GLT6D1: variants seen among roughly 807,000 people sequenced by gnomAD.
GLT6D1 encodes glycosyltransferase 6 domain containing 1.
Under a neutral mutation model 12.3 loss-of-function variants are expected in GLT6D1, and 9 were observed. The ratio of observed to expected loss-of-function variants is 0.73; its 90% confidence interval spans 0.44 to 1.27. The LOEUF is 1.27. GLT6D1 is among the 50% of genes most tolerant of loss of function. The probability of loss-of-function intolerance (pLI) is 0.00; values close to 1 mark genes in which losing one functional copy is unlikely to be tolerated. For missense variants in GLT6D1, 335 were observed against 346.2 expected, an observed-to-expected ratio of 0.97 and a Z score of 0.26; for synonymous variants, 128 against 132.3, an observed-to-expected ratio of 0.97 and a Z score of 0.23.
At chr9:135,635,495 G>C (rs777740839) in intron 2 of GLT6D1, among the ~76,000 whole-genome samples, 3 of 151,034 alleles carry the variant, frequency 2.0e-5, no homozygotes, top group Non-Finnish European at 4.4e-5. Context: ...AGAAACTAAG[G>C]TCTGCTGCTT....
rs778372586 is a variant in GLT6D1, at chr9:135,626,179, T to C, written c.147A>G (p.Thr49=). The C allele has an allele frequency of 1.2e-6, 2 of 1,613,982 alleles. No homozygotes were observed. The highest frequency in any genetic ancestry group is 1.3e-5 in the African/African-American group (1 of 75,034). ...PRKRPDVITK[T]DWLAPVLWEG... ...CCCATAGGACAGGAGCGAGCCAGTCTGTTTTCGTTATAACATCAGGGCGTT... is the reference window on the plus strand; with the variant it reads ...CCCATAGGACAGGAGCGAGCCAGTCCGTTTTCGTTATAACATCAGGGCGTT... The change falls in exon 4 of 5, where the codon ACA becomes ACG. Residue 49 remains threonine (T), a synonymous_variant. Transcript: ENST00000371763.
chr9:135,626,621 G>C (rs1833526321), intron 3 of GLT6D1, among the ~76,000 whole-genome samples: 1 of 152,154 alleles, frequency 6.6e-6, no homozygotes, highest in African/African-American at 2.4e-5. Flanking sequence ...TGGGAGGCAG[G>C]AGATCACCTC....
chr9:135,638,584 G>A (rs866783384), intron 2 of GLT6D1, among the ~76,000 whole-genome samples: 5 of 152,144 alleles, frequency 3.3e-5, no homozygotes, highest in Middle Eastern at 3.4e-3. Context: ...TCTTTTATGT[G>A]TATTTATTGT....
Position 135,624,470 on chromosome 9 carries a change from C to A in GLT6D1, c.458G>T (p.Ser153Ile). 6.2e-7 allele frequency: 1 copy of A among 1,613,926 alleles called. No individual in the cohort carries two copies. The change falls in exon 5 of 5, where the codon AGC (serine) becomes ATC (isoleucine). Residue 153 changes from serine (S) to isoleucine (I), a missense_variant. Transcript: ENST00000371763. ...GTGACTGGCGATGTGTTCACCCAGG[C>A]TCTTCACATGCACCAGGGGGCCATC... The part of the protein sequence containing the change: ...WLDGPLVHVK[S>I]LGEHIASHIQ...
chr9:135,637,790 T>C (rs1022529429), intron 2 of GLT6D1, among the ~76,000 whole-genome samples: 1 of 152,242 alleles, frequency 6.6e-6, no homozygotes, highest in African/African-American at 2.4e-5. Flanking sequence ...TATTGTTGAA[T>C]TTTAAGAGCT....
At chr9:135,628,122 A>G (rs1833559211) in intron 3 of GLT6D1, among the ~76,000 whole-genome samples, 1 of 152,040 alleles carries the variant, frequency 6.6e-6, no homozygotes, top group African/African-American at 2.4e-5. Flanking sequence ...TGTTTTTCCC[A>G]TTCTGTGGGT....
rs539057232 is a variant in GLT6D1, at chr9:135,630,187, C to T, written c.119+1244G>A. Among the ~76,000 whole-genome samples the T allele has an allele frequency of 2.4e-3, 371 of 151,700 alleles. 2 individuals are homozygous for T. The highest frequency in any genetic ancestry group is 8.0e-3 in the African/African-American group (333 of 41,370). The stretch of plus-strand genomic sequence containing the variant: ...TTGGGAGGCTAAGGAGGGTGGATCA[C>T]GAGGTCAGGAGATCGAGACCATCCT... On this transcript the variant is annotated intron_variant, in intron 3 of 4. Coordinates refer to ENST00000371763, the MANE Select transcript of GLT6D1 (RefSeq NM_182974.3).
intron 3 of GLT6D1, among the ~76,000 whole-genome samples, chr9:135,627,438 C>A (rs1164707695): frequency 4.6e-5 from 7 of 152,220 alleles, no homozygotes; most frequent in African/African-American, 1.7e-4. Context: ...AGTCACTCCC[C>A]ATTCCCTTCT....
chr9:135,627,972 A>G (rs1010927877), intron 3 of GLT6D1, among the ~76,000 whole-genome samples: 4 of 152,190 alleles, frequency 2.6e-5, no homozygotes, highest in African/African-American at 9.6e-5. Context: ...CTTATTGGCC[A>G]TTAGTATATC....
intron 2 of GLT6D1, among the ~76,000 whole-genome samples, chr9:135,635,384 G>T (rs11103114): frequency 0.22 from 33,416 of 152,056 alleles, 4,086 homozygotes; most frequent in Middle Eastern, 0.36. Flanking sequence ...TAAATCTCCT[G>T]TCCGAATCTA....
At position 135,624,379 on chromosome 9, in the gene GLT6D1, C is replaced by T; in HGVS notation, c.549G>A (p.Gly183=). The T allele has an allele frequency of 6.2e-7, 1 of 1,614,094 alleles. No individual in the cohort carries two copies. Among genetic ancestry groups the T allele is most frequent in the South Asian group, 1.1e-5 (1 of 91,078 alleles). ...AANQVFQNEF[G]VETLGPLVAQ... Reference sequence around the variant, plus strand: ...CCACCAACGGGCCCAGGGTCTCCACCCCGAACTCATTCTGGAAGACCTGGT... The same window carrying T: ...CCACCAACGGGCCCAGGGTCTCCACTCCGAACTCATTCTGGAAGACCTGGT... The change falls in exon 5 of 5, where the codon GGG becomes GGA. Residue 183 remains glycine (G), a synonymous_variant. Transcript: ENST00000371763.
At chr9:135,636,839 T>C (rs1833785893) in intron 2 of GLT6D1, among the ~76,000 whole-genome samples, 1 of 152,184 alleles carries the variant, frequency 6.6e-6, no homozygotes, top group Non-Finnish European at 1.5e-5. Flanking sequence ...AACAGCTTGA[T>C]AGCTGATTTC....
chr9:135,629,910 G>T, intron 3 of GLT6D1, among the ~76,000 whole-genome samples: 1 of 151,638 alleles, frequency 6.6e-6, no homozygotes. Context: ...AGCCACTTTG[G>T]GTCTCTTTTG....
chr9:135,631,099 T>C (rs546199979), intron 3 of GLT6D1, among the ~76,000 whole-genome samples: 1 of 152,048 alleles, frequency 6.6e-6, no homozygotes, highest in South Asian at 2.1e-4. Context: ...CACATACACT[T>C]TACAAAGGAT....
intron 3 of GLT6D1, among the ~76,000 whole-genome samples, chr9:135,626,948 A>G (rs567981444): frequency 6.6e-6 from 1 of 152,326 alleles, no homozygotes; most frequent in East Asian, 1.9e-4. Context: ...ACAAAGTTCA[A>G]TGTCCATTCA....
In GLT6D1 at chr9:135,625,593, A is replaced by G. The variant is rs960482820; in HGVS notation, c.257+476T>C. Reference sequence around the variant, plus strand: ...TCTGTTCTTATCAGCCTGCTCAGCTACTTAGGTCATAAGTCAGATACTTGA... The same window carrying G: ...TCTGTTCTTATCAGCCTGCTCAGCTGCTTAGGTCATAAGTCAGATACTTGA... On this transcript the variant is annotated intron_variant, in intron 4 of 4. Transcript: ENST00000371763. Among the ~76,000 whole-genome samples, 14 of 152,188 alleles carry G rather than the reference A, an allele frequency of 9.2e-5. 1 individual carries two copies. Among genetic ancestry groups the G allele is most frequent in the South Asian group, 2.1e-4 (1 of 4,824 alleles).
At chr9:135,635,245 T>G (rs11103113) in intron 2 of GLT6D1, among the ~76,000 whole-genome samples, 33,328 of 152,190 alleles carry the variant, frequency 0.22, 4,076 homozygotes, top group Middle Eastern at 0.35. Context: ...GCTTCAGCTT[T>G]GGCCATCGGG....
chr9:135,639,334 C>G lies in GLT6D1; in HGVS notation c.-48G>C, dbSNP rs956321468. The G allele has an allele frequency of 7.6e-6, 4 of 529,416 alleles. No individual in the cohort carries two copies. Among genetic ancestry groups the G allele is most frequent in the Non-Finnish European group, 1.3e-5 (4 of 297,274 alleles). 32.8% of individuals were successfully genotyped at this position (529,416 alleles called of 1,614,324 possible). A position where few individuals can be genotyped will look rare whatever the true frequency, so the allele number is the denominator to read the frequency against. On this transcript the variant is annotated 5_prime_UTR_variant, in exon 1 of 5. Transcript: ENST00000371763. ...AGAATGTTCAGCTGGCAGGAGACAG[C>G]GACTTGAGTTAGGGAAGCCTCTGTT...
rs142245894 is a variant in GLT6D1, at chr9:135,636,870, G to A, written c.71+2247C>T. Among the ~76,000 whole-genome samples, 387 of 151,920 alleles carry A rather than the reference G, an allele frequency of 2.5e-3. 2 individuals carry two copies. Among genetic ancestry groups the A allele is most frequent in the African/African-American group, 8.6e-3 (355 of 41,418 alleles). On this transcript the variant is annotated intron_variant, in intron 2 of 4. Coordinates refer to ENST00000371763, the MANE Select transcript of GLT6D1 (RefSeq NM_182974.3). ...ATTTCTTTTTTTTCTTTTTTTTGGG[G>A]GGATGGAGTTTCACTCTTGTTGCCC... is the stretch of plus-strand genomic sequence containing the variant.
Sources: gnomAD v4.1 joint callset for allele counts (sites outside exome capture counted in the v4.1 genomes callset) on GRCh38, gnomAD v4.1.1 for gene constraint, MANE v1.5 for transcripts, NCBI Gene and HGNC (gene_info 2026-07-23, HGNC 2026-07-21) for gene names.